CHL1: variants seen among roughly 807,000 people sequenced by gnomAD.
CHL1 encodes neural cell adhesion molecule L1-like protein.
A neutral mutation model predicts 141.9 loss-of-function variants in CHL1; 96 were observed. That is an observed-to-expected ratio of 0.68 (90% confidence interval 0.57 to 0.80). The LOEUF (loss-of-function observed/expected upper bound fraction) is 0.80, where lower values mean the gene tolerates loss of function less well. CHL1 is among the 30% of genes least tolerant of loss of function. The probability of loss-of-function intolerance (pLI) is 0.00; values close to 1 mark genes in which losing one functional copy is unlikely to be tolerated. For synonymous variants in CHL1, 613 were observed against 502.2 expected (o/e 1.22, Z -2.95); for missense variants, 1,820 against 1,457.2 (o/e 1.25, Z -4.05).
intron 2 of CHL1, among the ~76,000 whole-genome samples, chr3:315,058 A>G (rs1394512981): frequency 1.3e-5 from 2 of 152,144 alleles, no homozygotes; most frequent in East Asian, 3.9e-4. Flanking sequence ...AATAGCATCC[A>G]CAAAGTTAAC....
Position 377,113 on chromosome 3 carries a change from A to G in CHL1, c.1752-705A>G, listed in dbSNP as rs183977584. On this transcript the variant is annotated intron_variant, in intron 15 of 27. Transcript: ENST00000256509. Reference sequence around the variant, plus strand: ...TACGGAACTTGAAAAATACTTTAATAGTTATCTCAACAATGGTACGGGGTA... The same window carrying G: ...TACGGAACTTGAAAAATACTTTAATGGTTATCTCAACAATGGTACGGGGTA... Among the ~76,000 whole-genome samples, 1,160 of 152,342 alleles carry G rather than the reference A, an allele frequency of 7.6e-3. 9 individuals carry two copies. Among genetic ancestry groups the G allele is most frequent in the Non-Finnish European group, 0.013 (862 of 68,024 alleles).
At chr3:251,152 AC>A (rs1693661561) in intron 2 of CHL1, among the ~76,000 whole-genome samples, 1 of 152,094 alleles carries the variant, frequency 6.6e-6, no homozygotes, top group African/African-American at 2.4e-5. Context: ...TGAGAAGTAA[AC>A]TAAACCAGAA....
Position 380,115 on chromosome 3 carries a change from A to T in CHL1, c.1877-2064A>T, listed in dbSNP as rs920913084. On this transcript the variant is annotated intron_variant, in intron 16 of 27. Transcript: ENST00000256509. ...GCAATACACAGCCTTAGTTTATTCC[A>T]GGAAGCTTCAGAAATCAGTGGACTC... 3.3e-5 allele frequency among the ~76,000 whole-genome samples: 5 copies of T among 152,338 alleles called. No individual in the cohort carries two copies. In the South Asian group the frequency reaches 6.2e-4, roughly 19 times the overall value.
In CHL1 at chr3:309,558, C is replaced by CT. The variant is rs927027708; in HGVS notation, c.-94-10124dup. Among the ~76,000 whole-genome samples, 13 of 151,426 alleles carry CT rather than the reference C, an allele frequency of 8.6e-5. No individual in the cohort carries two copies. The East Asian group carries it at 2.5e-3, about 30-fold the overall frequency. ...TTCCTTTTTTTGAAACGGTCTCACT[C>CT]TGTTGCCCAGGCAGAATCATAGCTC... is the stretch of plus-strand genomic sequence containing the variant. On this transcript the variant is annotated intron_variant, in intron 2 of 27. Transcript: ENST00000256509.
intron 24 of CHL1, among the ~76,000 whole-genome samples, chr3:397,826 G>A (rs942018784): frequency 1.3e-5 from 2 of 151,872 alleles, no homozygotes; most frequent in African/African-American, 4.8e-5. Context: ...GCAAAAAAAA[G>A]CAATATATAG....
intron 2 of CHL1, among the ~76,000 whole-genome samples, chr3:266,370 G>C (rs1487264496): frequency 6.6e-6 from 1 of 152,148 alleles, no homozygotes; most frequent in Non-Finnish European, 1.5e-5. Context: ...ACATGGGAAG[G>C]ATGCATTGGA....
rs559701419 is a variant in CHL1 at position 380,282 on chromosome 3, T to C, written c.1877-1897T>C. ...TAAAAAACATGTTCTCTCTTCTGAA[T>C]TGGAAACGATGCTTTTTGTCAATGT... is the stretch of plus-strand genomic sequence containing the variant. On this transcript the variant is annotated intron_variant, in intron 16 of 27. Transcript: ENST00000256509. Among the ~76,000 whole-genome samples the C allele has an allele frequency of 2.7e-4, 41 of 152,334 alleles. 1 individual carries two copies. The South Asian group carries it at 5.0e-3, about 18-fold the overall frequency.
intron 2 of CHL1, among the ~76,000 whole-genome samples, chr3:308,182 T>A (rs1003525674): frequency 6.6e-6 from 1 of 152,192 alleles, no homozygotes; most frequent in South Asian, 2.1e-4. Context: ...TAAAAGGAAT[T>A]CAGAATTTTA....
chr3:317,841 T>C (rs1239713517), intron 2 of CHL1, among the ~76,000 whole-genome samples: 1 of 151,900 alleles, frequency 6.6e-6, no homozygotes, highest in Non-Finnish European at 1.5e-5. Flanking sequence ...CCATGTTTTA[T>C]TTCATTGATT....
intron 10 of CHL1, among the ~76,000 whole-genome samples, chr3:352,366 GT>G (rs1431447164): frequency 2.6e-5 from 4 of 151,896 alleles, no homozygotes; most frequent in East Asian, 1.9e-4. Context: ...GTTTTATTTT[GT>G]TTTTTTCCTA....
At chr3:220,526 A>T (rs1026359253) in intron 1 of CHL1, among the ~76,000 whole-genome samples, 9 of 146,744 alleles carry the variant, frequency 6.1e-5, no homozygotes, top group African/African-American at 1.2e-4. Flanking sequence ...TTTTTTTTTT[A>T]AAAAAAGGTC....
chr3:261,347 G>A (rs889312455), intron 2 of CHL1, among the ~76,000 whole-genome samples: 2 of 151,720 alleles, frequency 1.3e-5, no homozygotes, highest in African/African-American at 4.8e-5. Context: ...GAAGGAAAGA[G>A]GAGAAGAGAA....
chr3:241,520 C>A (rs1031823881), intron 1 of CHL1, among the ~76,000 whole-genome samples: 11 of 152,046 alleles, frequency 7.2e-5, no homozygotes, highest in African/African-American at 2.7e-4. Flanking sequence ...CCCTCATAAC[C>A]CAGTTTTTAC....
chr3:218,038 G>A (rs1335728463), intron 1 of CHL1, among the ~76,000 whole-genome samples: 1 of 152,178 alleles, frequency 6.6e-6, no homozygotes, highest in Non-Finnish European at 1.5e-5. Flanking sequence ...TTTGGGGGCT[G>A]TTGTAAATTA....
chr3:226,830 A>G (rs1701398998), intron 1 of CHL1, among the ~76,000 whole-genome samples: 1 of 152,214 alleles, frequency 6.6e-6, no homozygotes, highest in Admixed American at 6.5e-5. Context: ...CTCAATGCTT[A>G]GCAGACAATT....
chr3:339,774 A>C (rs1157330651), intron 5 of CHL1, among the ~76,000 whole-genome samples: 2 of 152,228 alleles, frequency 1.3e-5, no homozygotes, highest in Non-Finnish European at 2.9e-5. Context: ...CTTCTCAAGA[A>C]GAAATTTTAC....
intron 1 of CHL1, among the ~76,000 whole-genome samples, chr3:226,400 T>C (rs998103594): frequency 6.8e-6 from 1 of 147,508 alleles, no homozygotes; most frequent in Non-Finnish European, 1.5e-5. Flanking sequence ...ATATATTATA[T>C]AATATATAAT....
rs1178228979 is a variant in CHL1, at chr3:247,654, T to A, written c.-95+2962T>A. The A allele has an allele frequency of 2.0e-5, 3 of 152,106 alleles. No individual in the cohort carries two copies. In the East Asian group the frequency reaches 5.8e-4, roughly 29 times the overall value. The allele number at this position is 152,106 out of a possible 1,614,324, so 9.4% of individuals were successfully genotyped here. A position where few individuals can be genotyped will look rare whatever the true frequency, so the allele number is the denominator to read the frequency against. ...TATCTTGGCAGTCTTGCTAAGAGTT[T>A]CCATTTACACTTAAACATGGTTACT... On this transcript the variant is annotated intron_variant, in intron 2 of 27. Coordinates refer to ENST00000256509, the MANE Select transcript of CHL1 (RefSeq NM_006614.4).
intron 2 of CHL1, among the ~76,000 whole-genome samples, chr3:314,307 C>T (rs1298151470): frequency 1.7e-5 from 2 of 120,582 alleles, no homozygotes; most frequent in Admixed American, 8.4e-5. Flanking sequence ...CACTCTCTCT[C>T]TTTCTCTCTC....
Sources: gnomAD v4.1 joint callset for allele counts (sites outside exome capture counted in the v4.1 genomes callset) on GRCh38, gnomAD v4.1.1 for gene constraint, MANE v1.5 for transcripts, NCBI Gene and HGNC (gene_info 2026-07-23, HGNC 2026-07-21) for gene names.